EIF2AK2: variants seen among roughly 807,000 people sequenced by gnomAD.
EIF2AK2 encodes interferon-induced, double-stranded RNA-activated protein kinase.
A neutral mutation model predicts 70.5 loss-of-function variants in EIF2AK2; 40 were observed. The ratio of observed to expected loss-of-function variants is 0.57; its 90% CI spans 0.44 to 0.74. The LOEUF (loss-of-function observed/expected upper bound fraction) is 0.74, where lower values mean the gene tolerates loss of function less well. Among genes scored for constraint, EIF2AK2 ranks in the 30% least tolerant of loss-of-function variants. EIF2AK2 has a pLI of 0.00. For missense variants in EIF2AK2, 555 were observed against 644.3 expected (o/e 0.86, Z 1.50); for synonymous variants, 198 against 220.9 (o/e 0.90, Z 0.92).
Position 37,138,588 on chromosome 2 carries a change from G to A in EIF2AK2, c.517-3C>T. 6.2e-7 allele frequency: 1 copy of A among 1,613,452 alleles called. No individual in the cohort carries two copies. The highest frequency in any genetic ancestry group is 2.2e-5 in the East Asian group (1 of 44,848). ...CCAGAGGACAGGTAGTCAGATTTCT[G>A]AAAGAAAAAGTATCCCTTAGTAGGC... On this transcript the variant is annotated splice_polypyrimidine_tract_variant and splice_region_variant and intron_variant, in intron 6 of 16. Transcript: ENST00000233057.
chr2:37,132,083 A>T (rs1280453014), intron 10 of EIF2AK2, among the ~76,000 whole-genome samples: 1 of 152,212 alleles, frequency 6.6e-6, no homozygotes. Context: ...AAAGGACTTC[A>T]ATCAGATAAA....
chr2:37,156,184 G>T (rs1274750008), intron 1 of EIF2AK2, among the ~76,000 whole-genome samples: 1 of 152,106 alleles, frequency 6.6e-6, no homozygotes, highest in Middle Eastern at 3.2e-3. Context: ...CAGTGCAAAG[G>T]CCTAGAGGCT....
intron 1 of EIF2AK2, among the ~76,000 whole-genome samples, chr2:37,149,507 T>C (rs1675669905): frequency 1.3e-5 from 2 of 152,178 alleles, no homozygotes; most frequent in South Asian, 4.1e-4. Flanking sequence ...GCATTAAGCC[T>C]GCCTGGACCA....
rs773764572 is a variant in EIF2AK2, at chr2:37,120,168, A to G, written c.1068-29T>C. 1.5e-4 allele frequency: 198 copies of G among 1,293,112 alleles called. 1 individual carries two copies. The Middle Eastern group carries it at 3.3e-3, about 22-fold the overall frequency. The allele number at this position is 1,293,112 out of a possible 1,614,324, so 80.1% of individuals were successfully genotyped here. On this transcript the variant is annotated intron_variant, in intron 12 of 16. Coordinates refer to ENST00000233057, the MANE Select transcript of EIF2AK2 (RefSeq NM_001135651.3). ...GGTATAAAATTCACAGTATGTTAAA[A>G]GTAACAATAAATATAAATTTATAAA...
At chr2:37,116,531 T>C (rs1354711346) in intron 13 of EIF2AK2, among the ~76,000 whole-genome samples, 8 of 152,178 alleles carry the variant, frequency 5.3e-5, no homozygotes, top group African/African-American at 1.9e-4. Context: ...AGGGCCTACC[T>C]AGTAAGGACC....
At chr2:37,140,610 G>A (rs905733349) in intron 5 of EIF2AK2, among the ~76,000 whole-genome samples, 11 of 142,620 alleles carry the variant, frequency 7.7e-5, no homozygotes, top group African/African-American at 2.5e-4. Context: ...GCCCCCCCCC[G>A]CAAACAGATT....
chr2:37,137,939 C>A (rs866041431), intron 8 of EIF2AK2, among the ~76,000 whole-genome samples: 1 of 151,868 alleles, frequency 6.6e-6, no homozygotes, highest in Non-Finnish European at 1.5e-5. Context: ...GGTGAAACCC[C>A]GTCTCTACTA....
intron 4 of EIF2AK2, among the ~76,000 whole-genome samples, chr2:37,145,742 CTTTTTTTTTTTTTTTTTTTTTT>C (rs56051707): frequency 2.0e-5 from 1 of 51,198 alleles, no homozygotes; most frequent in Non-Finnish European, 3.3e-5. Context: ...TTTTGCTTGT[CTTTTTTTTTTTTTTTTTTTTTT>C]TTTTTTTTTT....
intron 5 of EIF2AK2, among the ~76,000 whole-genome samples, chr2:37,141,109 T>A (rs1675314963): frequency 6.6e-6 from 1 of 152,226 alleles, no homozygotes; most frequent in South Asian, 2.1e-4. Flanking sequence ...TACATGGTAT[T>A]TGTTCATTTA....
At chr2:37,123,837 T>G (rs1170444136) in intron 11 of EIF2AK2, among the ~76,000 whole-genome samples, 3 of 152,184 alleles carry the variant, frequency 2.0e-5, no homozygotes, top group Non-Finnish European at 4.4e-5. Context: ...ATTGGAGATT[T>G]CAAAGATGAG....
intron 3 of EIF2AK2, 92 bp from the exon 4 acceptor site, chr2:37,147,065 C>T (rs1402304519): frequency 8.1e-7 from 1 of 1,236,748 alleles, no homozygotes; most frequent in East Asian, 2.6e-5. Flanking sequence ...CTATGACTAC[C>T]TTTGAGGGTT....
In EIF2AK2 at chr2:37,137,025, A is replaced by C; in HGVS notation, c.688-8T>G. On this transcript the variant is annotated splice_polypyrimidine_tract_variant and splice_region_variant and intron_variant, in intron 8 of 16. Transcript: ENST00000233057. The stretch of plus-strand genomic sequence containing the variant: ...ATTATTTCTGAGACCATTCTATAAC[A>C]AAAGAAAATGAGAAATAGTTTCAGA... 6.2e-7 allele frequency: 1 copy of C among 1,601,630 alleles called. No individual in the cohort carries two copies. The highest frequency in any genetic ancestry group is 8.5e-7 in the Non-Finnish European group (1 of 1,174,258).
intron 10 of EIF2AK2, among the ~76,000 whole-genome samples, chr2:37,131,583 C>G (rs1674940054): frequency 6.6e-6 from 1 of 152,184 alleles, no homozygotes; most frequent in Non-Finnish European, 1.5e-5. Flanking sequence ...TCCTGCTACT[C>G]TTTTATCTTC....
intron 4 of EIF2AK2, 91 bp from the exon 5 acceptor site, chr2:37,141,792 C>A: frequency 7.6e-7 from 1 of 1,310,382 alleles, no homozygotes; most frequent in Non-Finnish European, 1.0e-6. Context: ...ACTAAATGAG[C>A]AATTTGAAAG....
chr2:37,112,300 G>C (rs1459094835), intron 14 of EIF2AK2, among the ~76,000 whole-genome samples: 9 of 152,010 alleles, frequency 5.9e-5, no homozygotes, highest in Non-Finnish European at 1.2e-4. Flanking sequence ...ATAGACCCTT[G>C]GTATTTTCTG....
intron 9 of EIF2AK2, 151 bp downstream of exon 9, chr2:37,136,832 T>C (rs1201390523): frequency 4.6e-6 from 3 of 646,360 alleles, no homozygotes; most frequent in African/African-American, 1.9e-5. Flanking sequence ...TCTCGACACA[T>C]CTAAAATTAT....
chr2:37,115,315 GC>G (rs1462053848), intron 13 of EIF2AK2: 2 of 151,014 alleles, frequency 1.3e-5, no homozygotes, highest in African/African-American at 2.5e-5. Flanking sequence ...ACCCACCTTG[GC>G]CTCCCAAAGT....
At position 37,107,349 on chromosome 2, in the gene EIF2AK2, G is replaced by A; in HGVS notation, c.1580C>T (p.Pro527Leu). The change falls in exon 17 of 17, where the codon CCT (proline) becomes CTT (leucine). Residue 527 changes from proline (P) to leucine (L), a missense_variant. Around this residue, in one of 3 missense-constraint regions of EIF2AK2, gnomAD observed 299 missense variants for 375.4 expected, o/e 0.80. Transcript: ENST00000233057. ...GGTCCTTAGTATTTCAGATGTGTTA[G>A]GTCGATCCTCAGGTTTCTTTGAGAG... is the stretch of plus-strand genomic sequence containing the variant. The part of the protein sequence containing the change: ...KLLSKKPEDR[P>L]NTSEILRTLT... The A allele has an allele frequency of 6.2e-7, 1 of 1,613,938 alleles. No homozygotes were observed. The highest frequency in any genetic ancestry group is 8.5e-7 in the Non-Finnish European group (1 of 1,179,972).
At chr2:37,156,682 G>A (rs1195732462) in intron 1 of EIF2AK2, among the ~76,000 whole-genome samples, 2 of 152,202 alleles carry the variant, frequency 1.3e-5, no homozygotes, top group African/African-American at 4.8e-5. Context: ...CCCGCTCCAC[G>A]ATCCTTTCCC....
Sources: allele counts gnomAD v4.1 joint callset (sites outside exome capture counted in the v4.1 genomes callset), GRCh38; gene constraint gnomAD v4.1.1; regional missense constraint gnomAD v4.1.1; transcripts MANE v1.5; gene names NCBI Gene and HGNC (gene_info 2026-07-23, HGNC 2026-07-21).